PTPRD: variants seen among roughly 807,000 people sequenced by gnomAD.
The protein encoded by PTPRD is protein tyrosine phosphatase receptor type D.
Under a neutral mutation model 214.5 loss-of-function variants are expected in PTPRD, and 34 were observed. The ratio of observed to expected loss-of-function variants is 0.16; its 90% CI spans 0.12 to 0.21. PTPRD has a LOEUF of 0.21. Among genes scored for constraint, PTPRD ranks in the 10% least tolerant of loss-of-function variants. The probability of loss-of-function intolerance (pLI) is 1.00; values close to 1 mark genes in which losing one functional copy is unlikely to be tolerated. For synonymous variants in PTPRD, 1,128 were observed against 845.7 expected, an observed-to-expected ratio of 1.33 and a Z score of -5.79; for missense variants, 2,545 against 2,398.7, an observed-to-expected ratio of 1.06 and a Z score of -1.27.
At chr9:10,482,148 A>G (rs7046988) in intron 2 of PTPRD, among the ~76,000 whole-genome samples, 3,326 of 151,964 alleles carry the variant, frequency 0.022, 65 homozygotes, top group African/African-American at 0.045. Flanking sequence ...CAGGCGGGAG[A>G]ATCACGAGGT....
intron 5 of PTPRD, among the ~76,000 whole-genome samples, chr9:9,913,816 C>T (rs1384117486): frequency 6.6e-6 from 1 of 152,126 alleles, no homozygotes; most frequent in Non-Finnish European, 1.5e-5. Context: ...GGTGTGTACT[C>T]TCTCCCTCCA....
chr9:9,369,419 G>A (rs936055287), intron 9 of PTPRD, among the ~76,000 whole-genome samples: 1 of 152,136 alleles, frequency 6.6e-6, no homozygotes, highest in Non-Finnish European at 1.5e-5. Context: ...TTTGAGAAGT[G>A]TCTGTTCATA....
chr9:8,394,578 T>C (rs1292811558), intron 36 of PTPRD, among the ~76,000 whole-genome samples: 1 of 152,178 alleles, frequency 6.6e-6, no homozygotes, highest in Non-Finnish European at 1.5e-5. Context: ...AGAACTGTAA[T>C]TGTTTATTTG....
chr9:10,361,059 G>GCCCA, intron 2 of PTPRD, among the ~76,000 whole-genome samples: 1 of 152,128 alleles, frequency 6.6e-6, no homozygotes, highest in Non-Finnish European at 1.5e-5. Context: ...CCGAGATGGA[G>GCCCA]CCACTGCACT....
chr9:10,150,358 G>T lies in PTPRD; in HGVS notation c.-544-116568C>A, dbSNP rs150409684. On this transcript the variant is annotated intron_variant, in intron 3 of 45. Transcript: ENST00000381196. ...AAAAAAGGATGAGTTCATGTCCTTTGTAGGGACATGGATGAAGCTGGAAAC... is the reference window on the plus strand; with the variant it reads ...AAAAAAGGATGAGTTCATGTCCTTTTTAGGGACATGGATGAAGCTGGAAAC... Among the ~76,000 whole-genome samples the T allele has an allele frequency of 6.6e-3, 1,003 of 152,248 alleles. 11 individuals are homozygous for T. The highest frequency in any genetic ancestry group is 0.023 in the African/African-American group (947 of 41,560).
intron 39 of PTPRD, among the ~76,000 whole-genome samples, chr9:8,373,608 T>C (rs1325872310): frequency 7.4e-6 from 1 of 135,222 alleles, no homozygotes; most frequent in East Asian, 2.4e-4. Flanking sequence ...ATAACATGGA[T>C]GCGGGTGTGT....
intron 2 of PTPRD, among the ~76,000 whole-genome samples, chr9:10,611,784 T>C (rs973794250): frequency 1.3e-5 from 2 of 152,186 alleles, no homozygotes; most frequent in African/African-American, 4.8e-5. Flanking sequence ...TTCATTCTAA[T>C]TCTCCAACTA....
chr9:9,893,069 A>G (rs746943878), intron 5 of PTPRD, among the ~76,000 whole-genome samples: 19 of 152,072 alleles, frequency 1.2e-4, no homozygotes, highest in Non-Finnish European at 2.8e-4. Context: ...AAGTAAGAGT[A>G]TGAAGTTCAG....
intron 7 of PTPRD, among the ~76,000 whole-genome samples, chr9:9,732,931 GA>G (rs2098224970): frequency 6.6e-6 from 1 of 151,368 alleles, no homozygotes; most frequent in African/African-American, 2.4e-5. Context: ...AAATTACTAA[GA>G]AAAAATATAA....
intron 5 of PTPRD, among the ~76,000 whole-genome samples, chr9:9,811,102 G>T (rs966612891): frequency 6.6e-6 from 1 of 152,038 alleles, no homozygotes. Context: ...GCTGGGCATG[G>T]TGGTGCACAC....
At chr9:8,692,387 CT>C (rs1387408802) in intron 12 of PTPRD, among the ~76,000 whole-genome samples, 1 of 152,132 alleles carries the variant, frequency 6.6e-6, no homozygotes, top group African/African-American at 2.4e-5. Context: ...TCCATTGGAC[CT>C]CCTGTCTTCA....
At chr9:9,498,602 T>C (rs1186182080) in intron 8 of PTPRD, among the ~76,000 whole-genome samples, 1 of 152,040 alleles carries the variant, frequency 6.6e-6, no homozygotes, top group Non-Finnish European at 1.5e-5. Flanking sequence ...AAAGAAAAAT[T>C]TTATACAGTG....
intron 35 of PTPRD, among the ~76,000 whole-genome samples, chr9:8,415,794 G>A (rs903243282): frequency 5.9e-5 from 9 of 151,992 alleles, no homozygotes; most frequent in Admixed American, 2.0e-4. Flanking sequence ...TCAGAATGAC[G>A]GTAGCATTTA....
At chr9:10,478,907 A>C (rs983305760) in intron 2 of PTPRD, among the ~76,000 whole-genome samples, 5 of 152,016 alleles carry the variant, frequency 3.3e-5, no homozygotes, top group Admixed American at 2.6e-4. Flanking sequence ...ATGAAATTTC[A>C]AACCTAAAAT....
chr9:10,602,840 T>C (rs2078324898), intron 2 of PTPRD, among the ~76,000 whole-genome samples: 1 of 151,790 alleles, frequency 6.6e-6, no homozygotes, highest in African/African-American at 2.4e-5. Flanking sequence ...CATTATTATG[T>C]GGGGCATGCA....
chr9:9,626,025 C>G (rs930558587), intron 7 of PTPRD, among the ~76,000 whole-genome samples: 1 of 152,048 alleles, frequency 6.6e-6, no homozygotes. Context: ...AATAGGTAAG[C>G]GAAAGAGCAT....
At chr9:9,275,129 T>A (rs537527878) in intron 9 of PTPRD, among the ~76,000 whole-genome samples, 14 of 46,396 alleles carry the variant, frequency 3.0e-4, no homozygotes, top group African/African-American at 1.1e-3. Flanking sequence ...TTATATATAT[T>A]ATATATAATA....
chr9:9,404,687 T>C (rs1436055772), intron 8 of PTPRD, among the ~76,000 whole-genome samples: 3 of 152,020 alleles, frequency 2.0e-5, no homozygotes, highest in African/African-American at 7.2e-5. Flanking sequence ...AACCTATAGT[T>C]CAGTGGAGAG....
chr9:8,335,606 C>T (rs61177270), intron 43 of PTPRD, among the ~76,000 whole-genome samples: 12,062 of 152,072 alleles, frequency 0.079, 949 homozygotes, highest in African/African-American at 0.2. Context: ...CCTCTCTCAC[C>T]ACTCCTATTC....
Sources: allele counts gnomAD v4.1 joint callset (sites outside exome capture counted in the v4.1 genomes callset), GRCh38; gene constraint gnomAD v4.1.1; transcripts MANE v1.5; gene names NCBI Gene and HGNC (gene_info 2026-07-23, HGNC 2026-07-21).